Variants in GRID1 observed in about 807,000 individuals in gnomAD.
GRID1 encodes glutamate ionotropic receptor delta type subunit 1, also known as glutamate receptor ionotropic, delta-1.
Under a neutral mutation model 98.0 loss-of-function variants are expected in GRID1, and 28 were observed. That is an observed-to-expected ratio of 0.29 (90% CI 0.21 to 0.39). The LOEUF is 0.39. Ranked by LOEUF, GRID1 falls within the 10% of genes least tolerant of loss-of-function variation. GRID1 has a pLI of 1.00. For synonymous variants in GRID1, 553 were observed against 538.5 expected (o/e 1.03, Z -0.37); for missense variants, 1,111 against 1,340.5 (o/e 0.83, Z 2.67).
At chr10:85,944,292 C>A (rs947434783) in intron 4 of GRID1, among the ~76,000 whole-genome samples, 2 of 152,056 alleles carry the variant, frequency 1.3e-5, no homozygotes, top group Non-Finnish European at 1.5e-5. Flanking sequence ...CAAAAGCGAA[C>A]AAAAATAGCT....
At chr10:85,946,672 G>A (rs544064714) in intron 4 of GRID1, among the ~76,000 whole-genome samples, 2 of 152,312 alleles carry the variant, frequency 1.3e-5, no homozygotes, top group South Asian at 4.1e-4. Context: ...GCCAGCCCCG[G>A]GGATTGCGGG....
intron 12 of GRID1, among the ~76,000 whole-genome samples, 153 bp downstream of exon 12, chr10:85,722,850 G>A (rs1304750066): frequency 2.0e-5 from 3 of 152,184 alleles, no homozygotes; most frequent in African/African-American, 7.2e-5. Flanking sequence ...TACAACAGGA[G>A]TGAAGCTCTT....
At chr10:86,132,228 G>A (rs533664876) in intron 4 of GRID1, among the ~76,000 whole-genome samples, 38 of 152,146 alleles carry the variant, frequency 2.5e-4, no homozygotes, top group Non-Finnish European at 4.1e-4. Context: ...GGATGGTGGG[G>A]ACAGAGGAGG....
intron 15 of GRID1, among the ~76,000 whole-genome samples, chr10:85,611,785 G>C (rs1183816181): frequency 3.3e-5 from 5 of 152,204 alleles, no homozygotes; most frequent in African/African-American, 1.2e-4. Flanking sequence ...GGTCAGATAT[G>C]TGTAGCCCTT....
intron 4 of GRID1, among the ~76,000 whole-genome samples, chr10:86,027,242 G>C (rs953467353): frequency 6.6e-6 from 1 of 152,158 alleles, no homozygotes; most frequent in Non-Finnish European, 1.5e-5. Flanking sequence ...TCCATTAGCA[G>C]TCACTCTCCA....
In GRID1 at chr10:86,183,135, C is replaced by T. The variant is rs960337235; in HGVS notation, c.520+23229G>A. On this transcript the variant is annotated intron_variant, in intron 3 of 15. Transcript: ENST00000327946. ...TCTTTCCCTATCCCCCACCCCAGTC[C>T]CCAGGCAACCACTGATCTGCAATCT... Among the ~76,000 whole-genome samples, 3 of 152,180 alleles carry T rather than the reference C, an allele frequency of 2.0e-5. No homozygotes were observed. The South Asian group carries it at 6.2e-4, about 32-fold the overall frequency.
chr10:86,363,865 CA>C, intron 2 of GRID1, 75 bp downstream of exon 2: 1 of 1,327,898 alleles, frequency 7.5e-7, no homozygotes, highest in Middle Eastern at 1.9e-4. Flanking sequence ...CAGCTCGTCC[CA>C]ACCCCTCCGG....
chr10:86,317,610 G>A (rs912655077), intron 2 of GRID1, among the ~76,000 whole-genome samples: 1 of 152,060 alleles, frequency 6.6e-6, no homozygotes, highest in Non-Finnish European at 1.5e-5. Context: ...GGGCAGCAAG[G>A]ACCCTACACT....
chr10:85,721,069 C>T (rs1841696194), intron 12 of GRID1, among the ~76,000 whole-genome samples: 3 of 152,050 alleles, frequency 2.0e-5, no homozygotes, highest in Admixed American at 1.3e-4. Context: ...GGGATATATA[C>T]ATAGCAAATA....
chr10:85,837,754 T>C (rs943186467), intron 8 of GRID1, among the ~76,000 whole-genome samples: 1 of 152,202 alleles, frequency 6.6e-6, no homozygotes, highest in Non-Finnish European at 1.5e-5. Context: ...GAGTGTCTTC[T>C]TTCCTCCAAA....
At chr10:86,139,765 G>A (rs200545109) in intron 3 of GRID1, among the ~76,000 whole-genome samples, 1 of 152,320 alleles carries the variant, frequency 6.6e-6, no homozygotes, top group East Asian at 1.9e-4. Flanking sequence ...GTGATCACTG[G>A]GAGAGAGGTC....
At chr10:85,647,590 G>C in intron 12 of GRID1, 193 bp from the exon 13 acceptor site, 1 of 583,310 alleles carries the variant, frequency 1.7e-6, no homozygotes, top group South Asian at 2.1e-5. Flanking sequence ...TCAATTACAG[G>C]TGTGTTTTCT....
At chr10:86,285,765 T>C (rs1042138429) in intron 2 of GRID1, among the ~76,000 whole-genome samples, 15 of 152,166 alleles carry the variant, frequency 9.9e-5, no homozygotes, top group Admixed American at 8.5e-4. Flanking sequence ...GGTCAAGGCA[T>C]AGATTCGATA....
At chr10:85,667,307 A>ACG in intron 12 of GRID1, among the ~76,000 whole-genome samples, 1 of 145,998 alleles carries the variant, frequency 6.8e-6, no homozygotes, top group South Asian at 2.1e-4. Flanking sequence ...TTCTAAAATC[A>ACG]CACACACACA....
chr10:86,162,435 A>G (rs1845336592), intron 3 of GRID1, among the ~76,000 whole-genome samples: 1 of 152,162 alleles, frequency 6.6e-6, no homozygotes, highest in Admixed American at 6.5e-5. Context: ...TCCTTTCCCA[A>G]GCCCACTAGG....
intron 4 of GRID1, among the ~76,000 whole-genome samples, chr10:86,080,872 C>A (rs2131930204): frequency 6.6e-6 from 1 of 152,290 alleles, no homozygotes; most frequent in South Asian, 2.1e-4. Flanking sequence ...TATCTACACA[C>A]CAACTCCAAC....
chr10:86,241,800 C>G (rs1301303930), intron 2 of GRID1, among the ~76,000 whole-genome samples: 1 of 152,210 alleles, frequency 6.6e-6, no homozygotes, highest in African/African-American at 2.4e-5. Context: ...CCATCACCTG[C>G]AAGAGCCCAG....
chr10:85,620,160 C>A, intron 13 of GRID1, 127 bp from the exon 14 acceptor site: 1 of 695,162 alleles, frequency 1.4e-6, no homozygotes. Context: ...CACCAGACAG[C>A]ACAGCAACTC....
In GRID1 at chr10:86,366,376, A is replaced by T; in HGVS notation, c.17T>A (p.Leu6Gln). The T allele has an allele frequency of 6.6e-7, 1 of 1,512,800 alleles. No homozygotes were observed. The highest frequency in any genetic ancestry group is 8.9e-7 in the Non-Finnish European group (1 of 1,127,878). 93.7% of individuals were successfully genotyped at this position (1,512,800 alleles called of 1,614,324 possible). A position where few individuals can be genotyped will look rare whatever the true frequency, so the allele number is the denominator to read the frequency against. The stretch of plus-strand genomic sequence containing the variant: ...CTGGCATATCCAGGGGAGAAGCCAC[A>T]GCGTCAGCGCTTCCATGTCCCCCGG... Reference protein sequence around the residue: MEALTLWLLPWICQCV... With the variant: MEALTQWLLPWICQCV... Residue 6 changes from leucine (L) to glutamine (Q), a missense_variant, in exon 1 of 16, where the codon CTG (leucine) becomes CAG (glutamine). By Grantham distance (113) the Leu-to-Gln change is moderately radical (BLOSUM62 -2). Transcript: ENST00000327946. The surrounding 1 kb of genome is among the most constrained non-coding windows in gnomAD (Gnocchi z 4.1).
Sources: allele counts gnomAD v4.1 joint callset (sites outside exome capture counted in the v4.1 genomes callset), GRCh38; gene constraint gnomAD v4.1.1; non-coding constraint Gnocchi (gnomAD v3.1); transcripts MANE v1.5; gene names NCBI Gene and HGNC (gene_info 2026-07-23, HGNC 2026-07-21).